Variants in CCDC144A observed in about 807,000 individuals in gnomAD.
CCDC144A encodes the protein coiled-coil domain containing 144A.
CCDC144A carries 41 observed loss-of-function variants against 143.8 expected under a neutral mutation model. The observed-to-expected ratio is 0.29, with a 90% CI of 0.22 to 0.37. The LOEUF (loss-of-function observed/expected upper bound fraction) is 0.37, where lower values mean the gene tolerates loss of function less well. Ranked by LOEUF, CCDC144A falls within the 10% of genes least tolerant of loss-of-function variation. CCDC144A has a pLI of 1.00. For missense variants in CCDC144A, 637 were observed against 1,488.8 expected (o/e 0.43, Z 9.41); for synonymous variants, 242 against 517.9 (o/e 0.47, Z 7.23).
rs1262783800 is a variant in CCDC144A at position 16,777,291 on chromosome 17, C to G, written c.*3658C>G. On this transcript the variant is annotated 3_prime_UTR_variant, in exon 17 of 17. Coordinates refer to ENST00000399273, the MANE Select transcript of CCDC144A (RefSeq NM_001382000.1). ...GGATGTTAATACTCCGCTGGCAGCA[C>G]TAGGCAGATCACCAAGACAGAAAGT... The G allele has an allele frequency of 6.7e-6, 1 of 150,204 alleles. No homozygotes were observed. Among genetic ancestry groups the G allele is most frequent in the East Asian group, 2.0e-4 (1 of 5,078 alleles). The allele number at this position is 150,204 out of a possible 1,614,324, so 9.3% of individuals were successfully genotyped here.
At chr17:16,729,952 G>C (rs1263728054) in intron 9 of CCDC144A, among the ~76,000 whole-genome samples, 1 of 112,374 alleles carries the variant, frequency 8.9e-6, no homozygotes, top group East Asian at 2.5e-4. Flanking sequence ...TTGTACCTCA[G>C]TAGGTAGTTT....
At chr17:16,683,949 G>T in the CCDC144A span, 929 of 1,219,074 alleles carry the variant, frequency 7.6e-4, 12 homozygotes, top group African/African-American at 0.013. Flanking sequence ...GTTTACTGGG[G>T]GCCGGGCTAT....
chr17:16,682,903 TTTTTTTTTTTTTTTTTG>T, the CCDC144A span, among the ~76,000 whole-genome samples: 2 of 117,008 alleles, frequency 1.7e-5, no homozygotes, highest in African/African-American at 3.3e-5. Flanking sequence ...TTTTTTTTTT[TTTTTTTTTTTTTTTTTG>T]AGACAGAGTC....
At chr17:16,692,347 ATATATT>A (rs1487027094) in intron 1 of CCDC144A, among the ~76,000 whole-genome samples, 3 of 150,722 alleles carry the variant, frequency 2.0e-5, no homozygotes, top group East Asian at 1.9e-4. Flanking sequence ...TGATGAAATA[ATATATT>A]TATAAGTAAA....
In CCDC144A at chr17:16,709,176, C is replaced by T; in HGVS notation, c.1119C>T (p.Ile373=). 6.2e-7 allele frequency: 1 copy of T among 1,611,702 alleles called. No homozygotes were observed. Among genetic ancestry groups the T allele is most frequent in the Middle Eastern group, 2.3e-4 (1 of 4,428 alleles). Residue 373 remains isoleucine, a synonymous_variant, in exon 5 of 17, where the codon ATC becomes ATT. Coordinates refer to ENST00000399273, the MANE Select transcript of CCDC144A (RefSeq NM_001382000.1). Reference sequence around the variant, plus strand: ...AAGAACCCAGTCTCAAAAATATCATCCATCCATACTATCATCCATACTCTG... The same window carrying T: ...AAGAACCCAGTCTCAAAAATATCATTCATCCATACTATCATCCATACTCTG... ...EQKEPSLKNI[I]HPYYHPYSGS...
chr17:16,710,825 C>G (rs1321905748), intron 5 of CCDC144A, among the ~76,000 whole-genome samples: 1 of 152,040 alleles, frequency 6.6e-6, no homozygotes. Flanking sequence ...TTGTCTGATT[C>G]AGTATTATGG....
chr17:16,713,831 T>A (rs1912587275), intron 6 of CCDC144A, among the ~76,000 whole-genome samples: 1 of 152,180 alleles, frequency 6.6e-6, no homozygotes, highest in South Asian at 2.1e-4. Context: ...GAAAATTAGA[T>A]CATCTACAGT....
intron 5 of CCDC144A, 82 bp from the exon 6 acceptor site, chr17:16,711,597 T>A: frequency 6.2e-7 from 1 of 1,603,832 alleles, no homozygotes. Context: ...CAAGTGATGA[T>A]GAAATCAATG....
At position 16,774,365 on chromosome 17, in the gene CCDC144A, T is replaced by G. The variant is rs1290486613; in HGVS notation, c.*732T>G. Reference sequence around the variant, plus strand: ...GTTAACATCAATACACTTGATCATTTAATTCTCAGTTTCTTTTCAAGTTTT... The same window carrying G: ...GTTAACATCAATACACTTGATCATTGAATTCTCAGTTTCTTTTCAAGTTTT... On this transcript the variant is annotated 3_prime_UTR_variant, in exon 17 of 17. Transcript: ENST00000399273. 2 of 145,470 alleles carry G rather than the reference T, an allele frequency of 1.4e-5. No homozygotes were observed. The highest frequency in any genetic ancestry group is 3.0e-5 in the Non-Finnish European group (2 of 67,686). The allele number at this position is 145,470 out of a possible 1,614,324, so 9.0% of individuals were successfully genotyped here. A position where few individuals can be genotyped will look rare whatever the true frequency, so the allele number is the denominator to read the frequency against.
chr17:16,746,761 C>A, intron 12 of CCDC144A: 1 of 1,605,358 alleles, frequency 6.2e-7, no homozygotes, highest in South Asian at 1.1e-5. Context: ...AGATGACCAC[C>A]TGCGGGGAGC....
the CCDC144A span, among the ~76,000 whole-genome samples, chr17:16,677,955 C>T: frequency 4.6e-5 from 7 of 151,978 alleles, no homozygotes; most frequent in Non-Finnish European, 8.8e-5. Flanking sequence ...CTTGATTCCA[C>T]TTAAAACAAG....
intron 15 of CCDC144A, chr17:16,766,962 T>C (rs1343829786): frequency 6.6e-6 from 1 of 152,122 alleles, no homozygotes; most frequent in Admixed American, 6.5e-5. Flanking sequence ...TGCCCAATCA[T>C]GTTAGATTTA....
Position 16,777,673 on chromosome 17 carries a change from G to GT in CCDC144A, c.*4041dup, listed in dbSNP as rs1344554771. On this transcript the variant is annotated 3_prime_UTR_variant, in exon 17 of 17. Transcript: ENST00000399273. ...AAATTCTTTGAACTGAACGATAATA[G>GT]TGACACAACCTATCAAAAACTCTGG... 4.4e-5 allele frequency: 6 copies of GT among 137,302 alleles called. No homozygotes were observed. The highest frequency in any genetic ancestry group is 7.6e-5 in the Non-Finnish European group (5 of 66,200). The allele number at this position is 137,302 out of a possible 1,614,324, so 8.5% of individuals were successfully genotyped here. A position where few individuals can be genotyped will look rare whatever the true frequency, so the allele number is the denominator to read the frequency against.
At chr17:16,746,070 T>C (rs1297797808) in intron 12 of CCDC144A, 386 of 1,608,584 alleles carry the variant, frequency 2.4e-4, no homozygotes, top group Non-Finnish European at 3.1e-4. Context: ...CTGGGGCTCC[T>C]TCAGCGAGCC....
chr17:16,737,229 G>T (rs1352235630), intron 12 of CCDC144A, among the ~76,000 whole-genome samples: 1 of 146,698 alleles, frequency 6.8e-6, no homozygotes, highest in African/African-American at 2.5e-5. Context: ...TGCAGTGGCG[G>T]GATCTCGGCT....
chr17:16,667,007 G>A, the CCDC144A span: 1 of 152,984 alleles, frequency 6.5e-6, no homozygotes, highest in Non-Finnish European at 1.5e-5. Flanking sequence ...GCCCGGCTGC[G>A]ACTTTCAGAG....
At chr17:16,670,993 C>CT in the CCDC144A span, among the ~76,000 whole-genome samples, 611 of 146,744 alleles carry the variant, frequency 4.2e-3, 5 homozygotes, top group African/African-American at 0.013. Context: ...TATATTATCA[C>CT]TTTTTTTTTT....
At chr17:16,673,371 T>C in the CCDC144A span, among the ~76,000 whole-genome samples, 1 of 151,708 alleles carries the variant, frequency 6.6e-6, no homozygotes, top group Non-Finnish European at 1.5e-5. Context: ...AATACATGTA[T>C]CAAAAAGTTA....
chr17:16,683,380 T>A, the CCDC144A span: 1 of 676,432 alleles, frequency 1.5e-6, no homozygotes, highest in Non-Finnish European at 2.5e-6. Context: ...GACAACTCTC[T>A]TTGTAAAATT....
Sources: allele counts gnomAD v4.1 joint callset (sites outside exome capture counted in the v4.1 genomes callset), GRCh38; gene constraint gnomAD v4.1.1; transcripts MANE v1.5; gene names NCBI Gene and HGNC (gene_info 2026-07-23, HGNC 2026-07-21).